The following ADAMTS17 variants were observed in gnomAD, a reference collection of about 807,000 sequenced individuals.
ADAMTS17 encodes A disintegrin and metalloproteinase with thrombospondin motifs 17.
In ADAMTS17, 113 loss-of-function variants were observed where a neutral mutation model predicts 141.5. The ratio of observed to expected loss-of-function variants is 0.80; its 90% CI spans 0.69 to 0.93. ADAMTS17 has a LOEUF of 0.93. Ranked by LOEUF, ADAMTS17 falls within the 40% of genes least tolerant of loss-of-function variation. The pLI is 0.00. For missense variants in ADAMTS17, 1,659 were observed against 1,517.9 expected, an observed-to-expected ratio of 1.09 and a Z score of -1.54; for synonymous variants, 768 against 630.6, an observed-to-expected ratio of 1.22 and a Z score of -3.27.
intron 10 of ADAMTS17, among the ~76,000 whole-genome samples, chr15:100,135,314 C>CG (rs1567233024): frequency 6.7e-6 from 1 of 149,116 alleles, no homozygotes; most frequent in Non-Finnish European, 1.5e-5. Context: ...GACAGAGTCT[C>CG]GCTCTGTCGC....
Position 99,997,609 on chromosome 15 carries a change from A to C in ADAMTS17, c.2592-20T>G. ...ACCCACCTGCCAGACGGGAGGAAAG[A>C]GAGAGAGAACGACTGGGTGAGAGGC... On this transcript the variant is annotated intron_variant, in intron 18 of 21. Transcript: ENST00000268070. The surrounding 1 kb of genome is among the most constrained non-coding windows in gnomAD (Gnocchi z 4.7). 3.1e-6 allele frequency: 5 copies of C among 1,612,234 alleles called. No individual in the cohort carries two copies.
At position 100,071,092 on chromosome 15, in the gene ADAMTS17, C is replaced by T. The variant is rs907533967; in HGVS notation, c.2138-17038G>A. ...ACTGATCCCACAGAAATACAAACTG[C>T]CATCAGAGATACCATAAACACCTCT... On this transcript the variant is annotated intron_variant, in intron 15 of 21. Transcript: ENST00000268070. 2.8e-4 allele frequency among the ~76,000 whole-genome samples: 42 copies of T among 150,322 alleles called. 3 individuals are homozygous for T. The Middle Eastern group carries it at 0.01, about 37-fold the overall frequency.
chr15:100,206,745 G>A (rs1452743325), intron 7 of ADAMTS17, among the ~76,000 whole-genome samples: 1 of 152,194 alleles, frequency 6.6e-6, no homozygotes, highest in East Asian at 1.9e-4. Flanking sequence ...TCCCCAAAGG[G>A]AATCTGGGAA....
intron 8 of ADAMTS17, among the ~76,000 whole-genome samples, chr15:100,193,626 A>G (rs571074264): frequency 3.3e-4 from 51 of 152,262 alleles, no homozygotes; most frequent in Admixed American, 6.5e-4. Context: ...GAGTGAGCGC[A>G]TCGGTCAACA....
intron 18 of ADAMTS17, among the ~76,000 whole-genome samples, chr15:100,004,867 C>T (rs758539071): frequency 3.9e-5 from 6 of 152,114 alleles, no homozygotes; most frequent in Non-Finnish European, 8.8e-5. Flanking sequence ...GTGATCCGCC[C>T]GCCTTGGCCT....
At chr15:100,293,428 G>A (rs976309398) in intron 3 of ADAMTS17, among the ~76,000 whole-genome samples, 3 of 152,214 alleles carry the variant, frequency 2.0e-5, no homozygotes, top group African/African-American at 4.8e-5. Context: ...TACATAGAAC[G>A]TGTGGATGGA....
chr15:100,001,026 G>A (rs559572843), intron 18 of ADAMTS17, among the ~76,000 whole-genome samples: 14 of 151,786 alleles, frequency 9.2e-5, no homozygotes, highest in African/African-American at 3.4e-4. Flanking sequence ...GCCTGCTGGG[G>A]GCTATGGTCA....
chr15:100,021,229 G>A (rs551974193), intron 18 of ADAMTS17, among the ~76,000 whole-genome samples: 2 of 152,308 alleles, frequency 1.3e-5, no homozygotes, highest in African/African-American at 4.8e-5. Context: ...CTGGGTGGGT[G>A]TGCGTGTCAC....
At chr15:100,110,965 C>T (rs1033996521) in intron 13 of ADAMTS17, among the ~76,000 whole-genome samples, 2 of 152,222 alleles carry the variant, frequency 1.3e-5, no homozygotes, top group African/African-American at 2.4e-5. Context: ...TGCTTCTCAC[C>T]AGGCTCCACA....
intron 20 of ADAMTS17, among the ~76,000 whole-genome samples, chr15:99,983,653 C>T (rs1452746126): frequency 1.3e-5 from 2 of 151,830 alleles, no homozygotes; most frequent in Admixed American, 6.6e-5. Context: ...GCAGAGTGGC[C>T]CAGGCAGGGC....
chr15:100,119,767 A>G (rs1279637695), intron 12 of ADAMTS17, among the ~76,000 whole-genome samples: 1 of 152,126 alleles, frequency 6.6e-6, no homozygotes, highest in Non-Finnish European at 1.5e-5. Flanking sequence ...TCCCTGACAA[A>G]TTCTCCAACA....
chr15:100,170,359 A>G (rs2040113910), intron 8 of ADAMTS17, among the ~76,000 whole-genome samples: 1 of 152,168 alleles, frequency 6.6e-6, no homozygotes, highest in Admixed American at 6.5e-5. Flanking sequence ...CCTATGTGGA[A>G]ACTGAAGTCC....
At chr15:100,189,767 A>G (rs2141583014) in intron 8 of ADAMTS17, among the ~76,000 whole-genome samples, 1 of 152,272 alleles carries the variant, frequency 6.6e-6, no homozygotes, top group African/African-American at 2.4e-5. Flanking sequence ...GACTTCTAAA[A>G]ACTACCACTG....
intron 15 of ADAMTS17, among the ~76,000 whole-genome samples, chr15:100,087,134 C>T (rs1023728965): frequency 6.6e-6 from 1 of 152,054 alleles, no homozygotes; most frequent in Non-Finnish European, 1.5e-5. Flanking sequence ...ATCAAATAGA[C>T]ACAATACAAA....
intron 8 of ADAMTS17, among the ~76,000 whole-genome samples, chr15:100,158,174 A>C (rs1437647194): frequency 6.6e-6 from 1 of 152,182 alleles, no homozygotes; most frequent in Non-Finnish European, 1.5e-5. Context: ...GGCGTCAGCC[A>C]CTGCTTAATG....
rs542992986 is a variant in ADAMTS17 at position 100,239,133 on chromosome 15, C to A, written c.1075+15003G>T. Among the ~76,000 whole-genome samples, 5 of 152,336 alleles carry A rather than the reference C, an allele frequency of 3.3e-5. No homozygotes were observed. The South Asian group carries it at 1.0e-3, about 32-fold the overall frequency. On this transcript the variant is annotated intron_variant, in intron 7 of 21. Transcript: ENST00000268070. ...TGAGAAAGGAAAGACTGTAACCCAA[C>A]CGCCTGGGGTCAGAGCCTAGCTTGG...
chr15:100,237,760 A>T (rs1459608456), intron 7 of ADAMTS17, among the ~76,000 whole-genome samples: 2 of 152,220 alleles, frequency 1.3e-5, no homozygotes, highest in Non-Finnish European at 2.9e-5. Flanking sequence ...AGTAGCTGGA[A>T]TTATAGGCAC....
intron 18 of ADAMTS17, among the ~76,000 whole-genome samples, chr15:100,011,597 C>A (rs909614305): frequency 6.6e-6 from 1 of 152,054 alleles, no homozygotes; most frequent in African/African-American, 2.4e-5. Context: ...ATGTGCCAGG[C>A]AATGTTCTAA....
At chr15:100,202,372 A>C (rs1411145428) in intron 7 of ADAMTS17, among the ~76,000 whole-genome samples, 1 of 152,250 alleles carries the variant, frequency 6.6e-6, no homozygotes, top group Non-Finnish European at 1.5e-5. Context: ...ACAAAGGTGG[A>C]TCAAGGTCGA....
Sources: allele counts gnomAD v4.1 joint callset (sites outside exome capture counted in the v4.1 genomes callset), GRCh38; gene constraint gnomAD v4.1.1; non-coding constraint Gnocchi (gnomAD v3.1); transcripts MANE v1.5; gene names NCBI Gene and HGNC (gene_info 2026-07-23, HGNC 2026-07-21).